ERG: variants seen among roughly 807,000 people sequenced by gnomAD.
ERG encodes ETS transcription factor ERG.
A neutral mutation model predicts 55.3 loss-of-function variants in ERG; 9 were observed. The observed-to-expected ratio is 0.16, with a 90% CI of 0.10 to 0.28. The LOEUF is 0.28. ERG is among the 10% of genes least tolerant of loss of function. ERG has a pLI of 1.00. For missense variants in ERG, 434 were observed against 631.6 expected (o/e 0.69, Z 3.35); for synonymous variants, 223 against 237.3 (o/e 0.94, Z 0.55).
chr21:38,481,193 C>T lies in ERG; in HGVS notation c.18+17170G>A, dbSNP rs924135654. ...TTCCTTTTATTTGACTCCTTAAAAA[C>T]TAGATTATAGTTCTTCTAGGAGAGG... On this transcript the variant is annotated intron_variant, in intron 1 of 9. Coordinates refer to ENST00000288319, the MANE Select transcript of ERG (RefSeq NM_182918.4). Among the ~76,000 whole-genome samples the T allele has an allele frequency of 2.6e-5, 4 of 152,160 alleles. No homozygotes were observed. The South Asian group carries it at 8.3e-4, about 31-fold the overall frequency.
intron 2 of ERG, among the ~76,000 whole-genome samples, chr21:38,505,286 A>G (rs2059451879): frequency 6.6e-6 from 1 of 152,150 alleles, no homozygotes; most frequent in African/African-American, 2.4e-5. Context: ...CAGCGCAGTA[A>G]CTGCTACATG....
downstream of ERG, among the ~76,000 whole-genome samples, chr21:38,378,010 A>G (rs1393068855): frequency 6.6e-6 from 1 of 152,184 alleles, no homozygotes; most frequent in Non-Finnish European, 1.5e-5. Flanking sequence ...AATAGGATGT[A>G]TTTTAATCTC....
At chr21:38,371,571 G>A in the ERG span, among the ~76,000 whole-genome samples, 1 of 151,934 alleles carries the variant, frequency 6.6e-6, no homozygotes. Context: ...TTTGCTAGTA[G>A]TTAATAAGAT....
At chr21:38,386,427 T>C (rs1987694321) in intron 9 of ERG, among the ~76,000 whole-genome samples, 1 of 152,252 alleles carries the variant, frequency 6.6e-6, no homozygotes, top group African/African-American at 2.4e-5. Flanking sequence ...CGCTGCATTT[T>C]GCAGTGTGTA....
the ERG span, among the ~76,000 whole-genome samples, chr21:38,370,605 G>T: frequency 6.6e-6 from 1 of 151,790 alleles, no homozygotes; most frequent in Non-Finnish European, 1.5e-5. Flanking sequence ...TTTACATGTG[G>T]TATTATGTAG....
intron 1 of ERG, among the ~76,000 whole-genome samples, chr21:38,466,716 C>A (rs2059094149): frequency 6.6e-6 from 1 of 152,164 alleles, no homozygotes; most frequent in African/African-American, 2.4e-5. Context: ...TTTGCATGAA[C>A]CAACTTTACA....
intron 1 of ERG, among the ~76,000 whole-genome samples, chr21:38,648,487 T>A (rs1384441506): frequency 6.6e-6 from 1 of 152,176 alleles, no homozygotes; most frequent in African/African-American, 2.4e-5. Context: ...GTAAATGGGG[T>A]ATGTTTTCTG....
intron 1 of ERG, among the ~76,000 whole-genome samples, chr21:38,583,146 C>T (rs2060040286): frequency 6.6e-6 from 1 of 152,178 alleles, no homozygotes; most frequent in Non-Finnish European, 1.5e-5. Context: ...TGCACTTGTC[C>T]TGGATGAGCA....
In ERG at chr21:38,509,976, T is replaced by C. The variant is rs577315738; in HGVS notation, c.-41+65686A>G. 3.9e-5 allele frequency among the ~76,000 whole-genome samples: 6 copies of C among 152,264 alleles called. No homozygotes were observed. In the East Asian group the frequency reaches 9.7e-4, roughly 24 times the overall value. ...TCAATTTTGACTCTAATGAGAGCCA[T>C]CTGGAAGGCTGCAATGGTGGGCCTG... On this transcript the variant is annotated intron_variant, in intron 2 of 8. Transcript: ENST00000398897.
chr21:38,654,152 G>T (rs1306933595), intron 1 of ERG, among the ~76,000 whole-genome samples: 1 of 152,202 alleles, frequency 6.6e-6, no homozygotes, highest in South Asian at 2.1e-4. Flanking sequence ...AGAGATATTC[G>T]ATCTTCAGAA....
intron 1 of ERG, among the ~76,000 whole-genome samples, chr21:38,601,908 G>C (rs987279230): frequency 2.6e-5 from 4 of 152,054 alleles, no homozygotes; most frequent in Non-Finnish European, 2.9e-5. Context: ...TTGAGATGGT[G>C]TCTCCCTCTG....
upstream of ERG, among the ~76,000 whole-genome samples, chr21:38,587,624 T>C (rs569007606): frequency 2.2e-3 from 331 of 152,294 alleles, no homozygotes; most frequent in Non-Finnish European, 3.9e-3. Context: ...AGTGCTGGGA[T>C]TACAGGCGTG....
At chr21:38,580,836 G>A (rs2060023916) in intron 1 of ERG, among the ~76,000 whole-genome samples, 1 of 152,192 alleles carries the variant, frequency 6.6e-6, no homozygotes. Context: ...ATTGCAAAAT[G>A]GTTAAGAGAA....
chr21:38,374,220 C>T, the ERG span, among the ~76,000 whole-genome samples: 1 of 152,226 alleles, frequency 6.6e-6, no homozygotes. Flanking sequence ...AGACCCTGAC[C>T]CAATGACAGA....
intron 2 of ERG, among the ~76,000 whole-genome samples, chr21:38,573,386 C>T (rs2059972886): frequency 1.3e-5 from 2 of 152,182 alleles, no homozygotes; most frequent in African/African-American, 2.4e-5. Context: ...TCCTGTCTGC[C>T]CCTGGGAACT....
chr21:38,368,946 C>T, the ERG span, among the ~76,000 whole-genome samples: 1 of 152,188 alleles, frequency 6.6e-6, no homozygotes, highest in Non-Finnish European at 1.5e-5. Flanking sequence ...AGGACATGAT[C>T]TCATTCTTTT....
intron 1 of ERG, among the ~76,000 whole-genome samples, chr21:38,616,622 AACTGGACTGG>A (rs955444925): frequency 3.3e-5 from 5 of 151,898 alleles, no homozygotes; most frequent in Non-Finnish European, 4.4e-5. Context: ...GACTGGACTG[AACTGGACTGG>A]ACTGGATTGG....
At chr21:38,465,576 T>C (rs754996857) in intron 1 of ERG, among the ~76,000 whole-genome samples, 2 of 152,102 alleles carry the variant, frequency 1.3e-5, no homozygotes, top group Non-Finnish European at 2.9e-5. Context: ...GACCTGTCAA[T>C]ATAGGTTCAT....
intron 1 of ERG, among the ~76,000 whole-genome samples, chr21:38,636,759 G>C (rs1465264648): frequency 6.6e-6 from 1 of 152,168 alleles, no homozygotes; most frequent in Non-Finnish European, 1.5e-5. Flanking sequence ...GCGGCCCACA[G>C]CCTGACAGGA....
Sources: gnomAD v4.1 joint callset for allele counts (sites outside exome capture counted in the v4.1 genomes callset) on GRCh38, gnomAD v4.1.1 for gene constraint, MANE v1.5 for transcripts, NCBI Gene and HGNC (gene_info 2026-07-23, HGNC 2026-07-21) for gene names.